The following SLC35A1 variants were observed in gnomAD, a reference collection of about 807,000 sequenced individuals.
SLC35A1 encodes the protein solute carrier family 35 member A1, also known as CMP-sialic acid transporter.
SLC35A1 carries 21 observed loss-of-function variants against 40.3 expected under a neutral mutation model. The observed-to-expected ratio is 0.52, with a 90% CI of 0.37 to 0.75. The LOEUF is 0.75. Ranked by LOEUF, SLC35A1 falls within the 30% of genes least tolerant of loss-of-function variation. The pLI, the probability that SLC35A1 is intolerant of heterozygous loss-of-function variation, is 0.00. For synonymous variants in SLC35A1, 146 were observed against 147.3 expected (o/e 0.99, Z 0.06); for missense variants, 297 against 382.1 (o/e 0.78, Z 1.86).
chr6:87,495,456 TATCTGTCAAATACTTATAGATTATC>T (rs1200142361), intron 2 of SLC35A1, among the ~76,000 whole-genome samples: 1 of 152,232 alleles, frequency 6.6e-6, no homozygotes, highest in East Asian at 1.9e-4. Context: ...GAAATTAATG[TATCTGTCAAATACTTATAGATTATC>T]CAGCTTTGTT....
chr6:87,476,075 C>G (rs1451145343), intron 1 of SLC35A1, among the ~76,000 whole-genome samples: 2 of 152,174 alleles, frequency 1.3e-5, no homozygotes, highest in Non-Finnish European at 2.9e-5. Flanking sequence ...AGACTTGGTA[C>G]CCACTGCTTA....
intron 2 of SLC35A1, among the ~76,000 whole-genome samples, chr6:87,489,162 G>T (rs1769471117): frequency 6.6e-6 from 1 of 152,150 alleles, no homozygotes; most frequent in Non-Finnish European, 1.5e-5. Flanking sequence ...TATTTTCTTT[G>T]TCCTGGTTAT....
At chr6:87,502,586 A>G (rs1769952622) in intron 4 of SLC35A1, among the ~76,000 whole-genome samples, 1 of 152,210 alleles carries the variant, frequency 6.6e-6, no homozygotes, top group South Asian at 2.1e-4. Context: ...CACAGTGGTA[A>G]GTTTAGCGTA....
At chr6:87,493,079 G>C (rs1209978085) in intron 2 of SLC35A1, among the ~76,000 whole-genome samples, 1 of 151,994 alleles carries the variant, frequency 6.6e-6, no homozygotes, top group East Asian at 1.9e-4. Context: ...TTCTACTCTA[G>C]AAATTTCCCT....
chr6:87,499,109 T>G (rs1769834831), intron 2 of SLC35A1: 13 of 983,642 alleles, frequency 1.3e-5, no homozygotes, highest in Non-Finnish European at 1.3e-5. Context: ...AGTTCCTGTC[T>G]TATTAATTAA....
chr6:87,510,143 C>T (rs78027036), intron 7 of SLC35A1, among the ~76,000 whole-genome samples: 1,568 of 152,262 alleles, frequency 0.01, 24 homozygotes, highest in African/African-American at 0.034. Flanking sequence ...ATAATATCAC[C>T]TATTGCCTAG....
chr6:87,473,000 A>C lies in SLC35A1; in HGVS notation c.-4A>C. On this transcript the variant is annotated 5_prime_UTR_variant, in exon 1 of 8. Coordinates refer to ENST00000369552, the MANE Select transcript of SLC35A1 (RefSeq NM_006416.5). ...TCAGTTCCGCGGGGGGCTGTCGGGG[A>C]ACCATGGCTGCCCCGAGAGGTGAGA... 1 of 683,908 alleles carries C rather than the reference A, an allele frequency of 1.5e-6. No homozygotes were observed. The highest frequency in any genetic ancestry group is 2.2e-6 in the Non-Finnish European group (1 of 452,060). 42.4% of individuals were successfully genotyped at this position (683,908 alleles called of 1,614,324 possible).
intron 2 of SLC35A1, among the ~76,000 whole-genome samples, chr6:87,493,152 G>A (rs1477282424): frequency 6.6e-6 from 1 of 151,732 alleles, no homozygotes; most frequent in Non-Finnish European, 1.5e-5. Context: ...TTATTTTATT[G>A]TGCAGGTTAG....
At chr6:87,494,074 CTTTT>C (rs71018023) in intron 2 of SLC35A1, among the ~76,000 whole-genome samples, 2 of 148,578 alleles carry the variant, frequency 1.3e-5, no homozygotes, top group East Asian at 2.0e-4. Context: ...CCCCACTTTC[CTTTT>C]TTTTTTTTTA....
rs761997952 is a variant in SLC35A1, at chr6:87,509,123, G to A, written c.834G>A (p.Ala278=). The change falls in exon 7 of 8, where the codon GCG becomes GCA. Residue 278 remains alanine, a synonymous_variant. Coordinates refer to ENST00000369552, the MANE Select transcript of SLC35A1 (RefSeq NM_006416.5). ...TCATGAAAGGCTTTTCTGCAGCAGC[G>A]GCCATTGTCCTTTCCACCATTGCTT... The part of the protein sequence containing the change: ...DNIMKGFSAA[A]AIVLSTIASV... The A allele has an allele frequency of 1.2e-5, 20 of 1,613,942 alleles. No homozygotes were observed. Among genetic ancestry groups the A allele is most frequent in the Non-Finnish European group, 1.4e-5 (17 of 1,179,946 alleles).
chr6:87,511,324 T>G, intron 7 of SLC35A1, 75 bp from the exon 8 acceptor site: 1 of 1,523,506 alleles, frequency 6.6e-7, no homozygotes, highest in Non-Finnish European at 9.1e-7. Context: ...TTAAGAGTTT[T>G]CAAAATTTTA....
At chr6:87,480,328 T>G (rs1206304073) in intron 2 of SLC35A1, among the ~76,000 whole-genome samples, 1 of 152,212 alleles carries the variant, frequency 6.6e-6, no homozygotes, top group Non-Finnish European at 1.5e-5. Context: ...AAAGCTACCA[T>G]GCACTCCATG....
chr6:87,494,528 T>C (rs948934243), intron 2 of SLC35A1, among the ~76,000 whole-genome samples: 67 of 151,814 alleles, frequency 4.4e-4, no homozygotes, highest in African/African-American at 1.5e-3. Context: ...GTTCATGCCA[T>C]TCTTCTGCCT....
At chr6:87,477,571 A>AT in intron 2 of SLC35A1, 32 bp downstream of exon 2, 1 of 1,530,564 alleles carries the variant, frequency 6.5e-7, no homozygotes, top group Non-Finnish European at 9.0e-7. Context: ...GTGTTAAATT[A>AT]TTTTTCTACC....
At chr6:87,485,314 A>C (rs553022173) in intron 2 of SLC35A1, among the ~76,000 whole-genome samples, 1 of 151,352 alleles carries the variant, frequency 6.6e-6, no homozygotes, top group South Asian at 2.1e-4. Context: ...AAATGAAATT[A>C]GACTTTTTTC....
chr6:87,477,229 A>G (rs1229210406), intron 1 of SLC35A1, 133 bp from the exon 2 acceptor site: 5 of 818,948 alleles, frequency 6.1e-6, no homozygotes, highest in Non-Finnish European at 9.6e-6. Context: ...TTTGAAAAAA[A>G]TTTTTAAGCA....
chr6:87,481,996 T>A (rs1480740373), intron 2 of SLC35A1, among the ~76,000 whole-genome samples: 1 of 152,206 alleles, frequency 6.6e-6, no homozygotes, highest in African/African-American at 2.4e-5. Context: ...TATTTTACTT[T>A]CATTATACAC....
At chr6:87,474,319 TA>T (rs1299619905) in intron 1 of SLC35A1, among the ~76,000 whole-genome samples, 3 of 152,252 alleles carry the variant, frequency 2.0e-5, no homozygotes, top group Non-Finnish European at 4.4e-5. Context: ...ACAGAATTTC[TA>T]AGTTCTTAAG....
At chr6:87,505,642 G>A (rs983029855) in intron 4 of SLC35A1, among the ~76,000 whole-genome samples, 4 of 152,180 alleles carry the variant, frequency 2.6e-5, no homozygotes, top group African/African-American at 9.7e-5. Flanking sequence ...ATCTGGTGAG[G>A]CTCATTCTAT....
Sources: gnomAD v4.1 joint callset for allele counts (sites outside exome capture counted in the v4.1 genomes callset) on GRCh38, gnomAD v4.1.1 for gene constraint, MANE v1.5 for transcripts, NCBI Gene and HGNC (gene_info 2026-07-23, HGNC 2026-07-21) for gene names.